The following TMEM273 variants were observed in gnomAD, a reference collection of about 807,000 sequenced individuals.
TMEM273 encodes transmembrane protein 273.
A neutral mutation model predicts 17.9 loss-of-function variants in TMEM273; 19 were observed. That is an observed-to-expected ratio of 1.06 (90% CI 0.74 to 1.55). TMEM273 has a LOEUF of 1.55. Among genes scored for constraint, TMEM273 ranks in the 40% most tolerant of loss-of-function variants. The pLI is 0.00. For missense variants in TMEM273, 194 were observed against 155.6 expected, an observed-to-expected ratio of 1.25 and a Z score of -1.31; for synonymous variants, 66 against 62.0, an observed-to-expected ratio of 1.07 and a Z score of -0.31.
At chr10:49,168,178 T>C (rs1564630496) in intron 1 of TMEM273, among the ~76,000 whole-genome samples, 2 of 152,118 alleles carry the variant, frequency 1.3e-5, no homozygotes, top group African/African-American at 2.4e-5. Flanking sequence ...TGCACTTCAG[T>C]CAGCCGTTCA....
chr10:49,184,891 G>C (rs1168244761), intron 1 of TMEM273, among the ~76,000 whole-genome samples: 1 of 152,214 alleles, frequency 6.6e-6, no homozygotes, highest in Non-Finnish European at 1.5e-5. Flanking sequence ...ATAAATGGCA[G>C]TGTTTCTGTG....
chr10:49,157,704 T>C (rs1354673178), intron 6 of TMEM273, among the ~76,000 whole-genome samples: 1 of 152,234 alleles, frequency 6.6e-6, no homozygotes, highest in African/African-American at 2.4e-5. Flanking sequence ...TGATAAGATA[T>C]GTGTGCTTCA....
chr10:49,166,095 TATCTTCACGG>T, intron 3 of TMEM273, among the ~76,000 whole-genome samples: 2 of 152,292 alleles, frequency 1.3e-5, no homozygotes, highest in South Asian at 4.1e-4. Context: ...CCCTTCTGCT[TATCTTCACGG>T]ATCATAATCA....
chr10:49,155,535 C>A lies in TMEM273; in HGVS notation c.*357G>T. 2 of 338,510 alleles carry A rather than the reference C, an allele frequency of 5.9e-6. No individual in the cohort carries two copies. Among genetic ancestry groups the A allele is most frequent in the Non-Finnish European group, 1.1e-5 (2 of 184,106 alleles). 21.0% of individuals were successfully genotyped at this position (338,510 alleles called of 1,614,324 possible). A position where few individuals can be genotyped will look rare whatever the true frequency, so the allele number is the denominator to read the frequency against. The stretch of plus-strand genomic sequence containing the variant: ...AAGCTGTGTGTTGGGTCGGATTCCC[C>A]TTTTCATGAGCCATTTTCTGTGGTA... On this transcript the variant is annotated 3_prime_UTR_variant, in exon 7 of 7. Coordinates refer to ENST00000374153, the MANE Select transcript of TMEM273 (RefSeq NM_001288740.3).
intron 2 of TMEM273, 142 bp from the exon 3 acceptor site, chr10:49,167,151 A>G (rs1846248525): frequency 1.7e-6 from 2 of 1,164,726 alleles, no homozygotes; most frequent in Admixed American, 2.3e-5. Flanking sequence ...CTACTCTCCC[A>G]TGAGTCCCTT....
chr10:49,179,441 T>C (rs1156597961), intron 1 of TMEM273, among the ~76,000 whole-genome samples: 1 of 152,198 alleles, frequency 6.6e-6, no homozygotes, highest in Non-Finnish European at 1.5e-5. Flanking sequence ...GAATCAGGAC[T>C]GTGTGTCTGA....
rs576128257 is a variant in TMEM273, at chr10:49,181,453, C to T, written c.43+6841G>A. On this transcript the variant is annotated intron_variant, in intron 1 of 6. Coordinates refer to ENST00000374153, the MANE Select transcript of TMEM273 (RefSeq NM_001288740.3). ...ATAAAGTAGAAGAAATCACTCTACT[C>T]CCTTGAGACTTAATATATTTACAGA... 4.6e-5 allele frequency among the ~76,000 whole-genome samples: 7 copies of T among 152,290 alleles called. No homozygotes were observed. The South Asian group carries it at 1.2e-3, about 27-fold the overall frequency.
intron 1 of TMEM273, among the ~76,000 whole-genome samples, chr10:49,172,833 A>G (rs1243291193): frequency 6.6e-6 from 1 of 152,152 alleles, no homozygotes; most frequent in African/African-American, 2.4e-5. Flanking sequence ...GCCAATTTCT[A>G]GGGGTGATGG....
chr10:49,166,278 G>T (rs1460905950), intron 3 of TMEM273, among the ~76,000 whole-genome samples: 1 of 152,198 alleles, frequency 6.6e-6, no homozygotes, highest in Admixed American at 6.5e-5. Flanking sequence ...TGCCAAGGAG[G>T]CAGAGGGCTG....
intron 6 of TMEM273, among the ~76,000 whole-genome samples, chr10:49,160,177 G>A (rs1002173675): frequency 5.9e-5 from 9 of 152,134 alleles, no homozygotes; most frequent in East Asian, 1.9e-4. Flanking sequence ...GTTGGGGGTC[G>A]GGATATTCAC....
intron 1 of TMEM273, among the ~76,000 whole-genome samples, chr10:49,182,375 G>C (rs543802321): frequency 6.6e-6 from 1 of 152,000 alleles, no homozygotes; most frequent in Non-Finnish European, 1.5e-5. Context: ...CTCTTTACCC[G>C]GGCCTCTGCC....
chr10:49,186,021 GAA>G (rs1847647508), intron 1 of TMEM273, among the ~76,000 whole-genome samples: 1 of 142,704 alleles, frequency 7.0e-6, no homozygotes, highest in African/African-American at 2.7e-5. Flanking sequence ...GGAGGAGGAA[GAA>G]GAAGAAGAAG....
chr10:49,156,014 C>T, intron 6 of TMEM273, 105 bp from the exon 7 acceptor site: 1 of 1,600,832 alleles, frequency 6.2e-7, no homozygotes, highest in South Asian at 1.1e-5. Context: ...TATAAAAGCT[C>T]ATCAGCAAAG....
chr10:49,181,415 T>C (rs1274693639), intron 1 of TMEM273, among the ~76,000 whole-genome samples: 5 of 152,196 alleles, frequency 3.3e-5, no homozygotes, highest in Admixed American at 2.0e-4. Context: ...AAAATCTTTT[T>C]TGAAAAGGAA....
rs547756152 is a variant in TMEM273, at chr10:49,167,785, T to A, written c.97+124A>T. On this transcript the variant is annotated intron_variant, in intron 2 of 6. Transcript: ENST00000374153. The stretch of plus-strand genomic sequence containing the variant: ...GCTCTGGGGGACCTGGAGGTGAGGG[T>A]GCCCCTTTTCCTATGCTGACAGCAG... 4.0e-5 allele frequency: 49 copies of A among 1,227,892 alleles called. No individual in the cohort carries two copies. In the African/African-American group the frequency reaches 5.7e-4, roughly 14 times the overall value. 76.1% of individuals were successfully genotyped at this position (1,227,892 alleles called of 1,614,324 possible).
At chr10:49,171,176 C>T (rs1036354926) in intron 1 of TMEM273, among the ~76,000 whole-genome samples, 2 of 152,220 alleles carry the variant, frequency 1.3e-5, no homozygotes, top group African/African-American at 4.8e-5. Flanking sequence ...GAAACAGGCA[C>T]CCTTCTAACC....
In TMEM273 at chr10:49,184,002, A is replaced by G. The variant is rs1847514283; in HGVS notation, c.43+4292T>C. On this transcript the variant is annotated intron_variant, in intron 1 of 6. Coordinates refer to ENST00000374153, the MANE Select transcript of TMEM273 (RefSeq NM_001288740.3). ...AGACAGATGCAAAAAGTGGCACAGA[A>G]GATGAAGCCCATTAATGGTTCAGAC... Among the ~76,000 whole-genome samples the G allele has an allele frequency of 2.6e-5, 4 of 152,224 alleles. No individual in the cohort carries two copies. The South Asian group carries it at 8.3e-4, about 32-fold the overall frequency.
In TMEM273 at chr10:49,161,716, T is replaced by C. The variant is rs1590186550; in HGVS notation, c.349-94A>G. The C allele has an allele frequency of 3.9e-6, 6 of 1,521,954 alleles. No homozygotes were observed. In the East Asian group the frequency reaches 1.1e-4, roughly 29 times the overall value. 94.3% of individuals were successfully genotyped at this position (1,521,954 alleles called of 1,614,324 possible). ...CTGCAAGAGAGTGGCTTGCTTGTCA[T>C]TAGCTTGCTCTTTTGGGTCTGACTT... is the stretch of plus-strand genomic sequence containing the variant. On this transcript the variant is annotated intron_variant, in intron 5 of 6. Coordinates refer to ENST00000374153, the MANE Select transcript of TMEM273 (RefSeq NM_001288740.3).
At chr10:49,182,318 G>C (rs1158609606) in intron 1 of TMEM273, among the ~76,000 whole-genome samples, 1 of 152,124 alleles carries the variant, frequency 6.6e-6, no homozygotes, top group Non-Finnish European at 1.5e-5. Flanking sequence ...TCAGACCCAA[G>C]GAATAAAGTG....
Sources: allele counts gnomAD v4.1 joint callset (sites outside exome capture counted in the v4.1 genomes callset), GRCh38; gene constraint gnomAD v4.1.1; transcripts MANE v1.5; gene names NCBI Gene and HGNC (gene_info 2026-07-23, HGNC 2026-07-21).